Variants in CSMD1 observed in about 807,000 individuals in gnomAD.
CSMD1 encodes CUB and sushi domain-containing protein 1.
Under a neutral mutation model 417.5 loss-of-function variants are expected in CSMD1, and 213 were observed. The ratio of observed to expected loss-of-function variants is 0.51; its 90% CI spans 0.46 to 0.57. The LOEUF is 0.57. Ranked by LOEUF, CSMD1 falls within the 20% of genes least tolerant of loss-of-function variation. The pLI is 0.00. For missense variants in CSMD1, 6,923 were observed against 4,529.7 expected, an observed-to-expected ratio of 1.53 and a Z score of -15.17; for synonymous variants, 2,862 against 1,736.8, an observed-to-expected ratio of 1.65 and a Z score of -16.11.
chr8:3,493,168 C>A (rs1049063236), intron 11 of CSMD1, among the ~76,000 whole-genome samples: 18 of 151,828 alleles, frequency 1.2e-4, no homozygotes, highest in African/African-American at 4.4e-4. Flanking sequence ...ATGGCACACA[C>A]CTGTAATCCC....
intron 41 of CSMD1, among the ~76,000 whole-genome samples, chr8:3,134,925 T>A (rs1817993868): frequency 6.6e-6 from 1 of 152,208 alleles, no homozygotes; most frequent in South Asian, 2.1e-4. Context: ...ACAGTTATTA[T>A]TGTCATTATT....
intron 8 of CSMD1, among the ~76,000 whole-genome samples, chr8:3,588,951 A>G (rs955737529): frequency 6.6e-6 from 1 of 152,158 alleles, no homozygotes; most frequent in African/African-American, 2.4e-5. Context: ...AAGAAGACAT[A>G]AAAACGACCA....
At chr8:3,300,389 T>G (rs563911573) in intron 25 of CSMD1, among the ~76,000 whole-genome samples, 58 of 152,238 alleles carry the variant, frequency 3.8e-4, no homozygotes, top group African/African-American at 1.2e-3. Flanking sequence ...CTTTATTATT[T>G]TAAAATTAAG....
intron 10 of CSMD1, among the ~76,000 whole-genome samples, chr8:3,554,816 G>C (rs923079265): frequency 6.6e-6 from 1 of 152,142 alleles, no homozygotes; most frequent in African/African-American, 2.4e-5. Context: ...TGTCAAGTGA[G>C]CTGGGTCTGG....
intron 1 of CSMD1, among the ~76,000 whole-genome samples, chr8:4,733,736 T>C (rs532774026): frequency 2.4e-4 from 37 of 152,286 alleles, no homozygotes; most frequent in Non-Finnish European, 5.9e-5. Flanking sequence ...TAGGAACCCA[T>C]GAAAGTAAAA....
At chr8:3,626,276 C>A (rs537100625) in intron 7 of CSMD1, among the ~76,000 whole-genome samples, 1 of 152,160 alleles carries the variant, frequency 6.6e-6, no homozygotes, top group African/African-American at 2.4e-5. Context: ...TCCTTCTGCA[C>A]ATTTAAGAAC....
chr8:4,700,745 T>C (rs1416342603), intron 1 of CSMD1, among the ~76,000 whole-genome samples: 4 of 152,224 alleles, frequency 2.6e-5, no homozygotes, highest in Middle Eastern at 3.4e-3. Flanking sequence ...CATTTTATTA[T>C]ATGCAACTTA....
chr8:4,716,245 A>G (rs1363806143), intron 1 of CSMD1, among the ~76,000 whole-genome samples: 2 of 152,192 alleles, frequency 1.3e-5, no homozygotes, highest in African/African-American at 2.4e-5. Flanking sequence ...AAGAATCCTT[A>G]CACTTCAAGA....
intron 11 of CSMD1, among the ~76,000 whole-genome samples, chr8:3,475,881 T>A (rs1233175313): frequency 6.6e-6 from 1 of 152,234 alleles, no homozygotes; most frequent in African/African-American, 2.4e-5. Context: ...AATGCAAATG[T>A]GTCAGTGTTC....
chr8:4,622,734 T>G (rs1327974134), intron 2 of CSMD1, among the ~76,000 whole-genome samples: 1 of 152,086 alleles, frequency 6.6e-6, no homozygotes, highest in African/African-American at 2.4e-5. Context: ...TTCCTCACTT[T>G]TACCACTTCC....
chr8:3,716,460 A>G (rs1268450319), intron 6 of CSMD1, among the ~76,000 whole-genome samples: 3 of 152,204 alleles, frequency 2.0e-5, no homozygotes, highest in African/African-American at 2.4e-5. Flanking sequence ...TTTTTAGACC[A>G]TATAGAGTAA....
At chr8:4,542,040 G>C (rs1176667950) in intron 2 of CSMD1, among the ~76,000 whole-genome samples, 1 of 152,106 alleles carries the variant, frequency 6.6e-6, no homozygotes, top group Non-Finnish European at 1.5e-5. Context: ...TGGTCCCAGA[G>C]CCTGAAGTCC....
chr8:4,646,948 T>C (rs1678361931), intron 1 of CSMD1, among the ~76,000 whole-genome samples: 1 of 152,156 alleles, frequency 6.6e-6, no homozygotes. Context: ...AAAAGAGATA[T>C]AAATGTCCAA....
chr8:4,609,236 C>CA (rs1409291729), intron 2 of CSMD1, among the ~76,000 whole-genome samples: 4 of 152,136 alleles, frequency 2.6e-5, no homozygotes, highest in East Asian at 3.9e-4. Flanking sequence ...CCTGTATCTA[C>CA]AAAAAAATGA....
chr8:3,088,150 T>C (rs1481608802), intron 48 of CSMD1, among the ~76,000 whole-genome samples: 1 of 152,218 alleles, frequency 6.6e-6, no homozygotes, highest in Non-Finnish European at 1.5e-5. Context: ...AAACTAGAGA[T>C]GGGCATTTGT....
At chr8:3,358,357 C>A (rs1444938162) in intron 21 of CSMD1, among the ~76,000 whole-genome samples, 8 of 152,184 alleles carry the variant, frequency 5.3e-5, no homozygotes, top group Admixed American at 1.3e-4. Context: ...ATATGCTGAG[C>A]AACATGGCTG....
At position 3,835,200 on chromosome 8, in the gene CSMD1, C is replaced by G. The variant is rs569975314; in HGVS notation, c.819-81158G>C. The stretch of plus-strand genomic sequence containing the variant: ...CTAGAACTAGAAATACCATTTGACC[C>G]AGCCATCCCATTACTGGGTATATAC... On this transcript the variant is annotated intron_variant, in intron 5 of 69. Coordinates refer to ENST00000635120, the MANE Select transcript of CSMD1 (RefSeq NM_033225.6). Among the ~76,000 whole-genome samples, 19 of 150,204 alleles carry G rather than the reference C, an allele frequency of 1.3e-4. No homozygotes were observed. In the East Asian group the frequency reaches 3.7e-3, roughly 29 times the overall value.
chr8:4,180,079 T>A (rs1798269009), intron 3 of CSMD1, among the ~76,000 whole-genome samples: 1 of 152,114 alleles, frequency 6.6e-6, no homozygotes, highest in Non-Finnish European at 1.5e-5. Context: ...CATTACTGGG[T>A]ATATACCCAA....
chr8:3,447,633 A>T (rs1815383968), intron 12 of CSMD1, among the ~76,000 whole-genome samples: 1 of 152,176 alleles, frequency 6.6e-6, no homozygotes, highest in African/African-American at 2.4e-5. Context: ...CTTCTTTTAA[A>T]GCAGTGTGTG....
Sources: gnomAD v4.1 joint callset for allele counts (sites outside exome capture counted in the v4.1 genomes callset) on GRCh38, gnomAD v4.1.1 for gene constraint, MANE v1.5 for transcripts, NCBI Gene and HGNC (gene_info 2026-07-23, HGNC 2026-07-21) for gene names.